DAB1: variants seen among roughly 807,000 people sequenced by gnomAD.
DAB1 encodes disabled homolog 1.
DAB1 carries 15 observed loss-of-function variants against 64.6 expected under a neutral mutation model. That is an observed-to-expected ratio of 0.23 (90% confidence interval 0.16 to 0.36). The LOEUF is 0.36. Ranked by LOEUF, DAB1 falls within the 10% of genes least tolerant of loss-of-function variation. DAB1 has a pLI of 1.00. For synonymous variants in DAB1, 235 were observed against 251.9 expected (o/e 0.93, Z 0.64); for missense variants, 596 against 706.7 (o/e 0.84, Z 1.78).
chr1:57,764,615 G>T (rs780065353), intron 6 of DAB1, among the ~76,000 whole-genome samples: 1 of 152,094 alleles, frequency 6.6e-6, no homozygotes, highest in Non-Finnish European at 1.5e-5. Flanking sequence ...AGTATACTCT[G>T]TTCTACTTTT....
Position 57,415,289 on chromosome 1 carries a change from A to ACG in DAB1, c.-137+8640_-137+8641insCG, listed in dbSNP as rs1684412860. 4.0e-5 allele frequency among the ~76,000 whole-genome samples: 6 copies of ACG among 151,638 alleles called. No individual in the cohort carries two copies. The South Asian group carries it at 1.0e-3, about 26-fold the overall frequency. On this transcript the variant is annotated intron_variant, in intron 1 of 14. Coordinates refer to ENST00000371236, the MANE Select transcript of DAB1 (RefSeq NM_001365792.1). ...CACACACACACACACACATATATGC[A>ACG]CACACTCCACATGGATTAGAGAACC...
intron 1 of DAB1, among the ~76,000 whole-genome samples, chr1:57,346,128 C>G (rs182577380): frequency 6.6e-6 from 1 of 152,184 alleles, no homozygotes; most frequent in African/African-American, 2.4e-5. Flanking sequence ...TCTTTCACTA[C>G]GCTACAAAAC....
At chr1:58,514,097 C>G (rs559727514) in intron 2 of DAB1, among the ~76,000 whole-genome samples, 4 of 152,300 alleles carry the variant, frequency 2.6e-5, no homozygotes, top group African/African-American at 9.6e-5. Context: ...TTCCTTTCCC[C>G]TGGTGAGCAA....
intron 9 of DAB1, among the ~76,000 whole-genome samples, chr1:57,052,137 G>C (rs1202163203): frequency 7.1e-6 from 1 of 140,120 alleles, no homozygotes; most frequent in Non-Finnish European, 1.6e-5. Context: ...GATTACTGGG[G>C]GCGGGGGGGC....
At chr1:57,149,867 A>T (rs1456168282) in intron 2 of DAB1, among the ~76,000 whole-genome samples, 3 of 152,186 alleles carry the variant, frequency 2.0e-5, no homozygotes, top group Admixed American at 6.5e-5. Context: ...CAAGTAGTTC[A>T]CAAGCACACA....
chr1:58,394,594 G>C (rs1055555320), intron 3 of DAB1, among the ~76,000 whole-genome samples: 1 of 152,198 alleles, frequency 6.6e-6, no homozygotes, highest in African/African-American at 2.4e-5. Flanking sequence ...GGAAGGAATT[G>C]CTGATACTTG....
intron 5 of DAB1, among the ~76,000 whole-genome samples, chr1:58,129,768 T>C (rs1015190209): frequency 5.9e-5 from 9 of 151,836 alleles, no homozygotes; most frequent in African/African-American, 1.9e-4. Context: ...TTGAGCGGCT[T>C]TGAGTGAGAT....
intron 2 of DAB1, among the ~76,000 whole-genome samples, chr1:57,278,006 T>C (rs906712432): frequency 1.3e-5 from 2 of 152,232 alleles, no homozygotes; most frequent in Non-Finnish European, 2.9e-5. Flanking sequence ...GAATCTGCAA[T>C]GATGACATAT....
At chr1:58,129,754 G>A (rs1383178146) in intron 5 of DAB1, among the ~76,000 whole-genome samples, 3 of 151,556 alleles carry the variant, frequency 2.0e-5, no homozygotes, top group Non-Finnish European at 4.4e-5. Flanking sequence ...CAGTTTCCAT[G>A]TAGTTGAGCG....
At chr1:58,161,250 G>A (rs781639078) in intron 4 of DAB1, among the ~76,000 whole-genome samples, 79 of 152,260 alleles carry the variant, frequency 5.2e-4, no homozygotes, top group Admixed American at 1.7e-3. Flanking sequence ...CTTAGAGAGC[G>A]CAAGTTCAAT....
intron 4 of DAB1, among the ~76,000 whole-genome samples, chr1:58,211,751 G>A (rs187337017): frequency 1.2e-4 from 18 of 152,190 alleles, no homozygotes; most frequent in Non-Finnish European, 2.4e-4. Flanking sequence ...AAAAAACTGA[G>A]ACAACGAGAG....
chr1:57,936,426 C>A (rs577966469), intron 5 of DAB1, among the ~76,000 whole-genome samples: 1 of 152,324 alleles, frequency 6.6e-6, no homozygotes, highest in East Asian at 1.9e-4. Flanking sequence ...GAGTCTTGCT[C>A]CATCATCCAG....
At chr1:58,378,197 A>G (rs1180537694) in intron 3 of DAB1, among the ~76,000 whole-genome samples, 1 of 119,556 alleles carries the variant, frequency 8.4e-6, no homozygotes, top group South Asian at 2.9e-4. Flanking sequence ...ATCATTCTCC[A>G]TCCAGCTTTG....
chr1:57,141,518 G>C (rs1201809217), intron 3 of DAB1, among the ~76,000 whole-genome samples: 6 of 152,128 alleles, frequency 3.9e-5, no homozygotes, highest in Non-Finnish European at 7.4e-5. Context: ...GCTTCCCACT[G>C]TTGCTAGATT....
chr1:57,746,025 C>T (rs920912038), intron 6 of DAB1, among the ~76,000 whole-genome samples: 1 of 152,084 alleles, frequency 6.6e-6, no homozygotes, highest in Admixed American at 6.6e-5. Context: ...CAGATCTCAC[C>T]ATTAGTCTAT....
chr1:57,520,478 T>C (rs1644512826), intron 7 of DAB1, among the ~76,000 whole-genome samples: 2 of 152,162 alleles, frequency 1.3e-5, no homozygotes, highest in Admixed American at 6.5e-5. Flanking sequence ...TTGTTTTGCA[T>C]ATATTGTTCT....
intron 5 of DAB1, among the ~76,000 whole-genome samples, chr1:57,950,142 G>A (rs913408592): frequency 6.6e-6 from 1 of 152,146 alleles, no homozygotes; most frequent in Non-Finnish European, 1.5e-5. Flanking sequence ...GTGCTTAAGA[G>A]AGAAGGCTCT....
chr1:57,110,068 G>C (rs1655516116), intron 4 of DAB1, among the ~76,000 whole-genome samples: 1 of 152,128 alleles, frequency 6.6e-6, no homozygotes, highest in Non-Finnish European at 1.5e-5. Flanking sequence ...GTTTGCACAT[G>C]AACACTTTAT....
At chr1:58,035,323 G>A (rs1375470290) in intron 5 of DAB1, among the ~76,000 whole-genome samples, 1 of 152,226 alleles carries the variant, frequency 6.6e-6, no homozygotes, top group African/African-American at 2.4e-5. Flanking sequence ...TCCCTTAATT[G>A]CGGAATCACA....
Sources: gnomAD v4.1 joint callset for allele counts (sites outside exome capture counted in the v4.1 genomes callset) on GRCh38, gnomAD v4.1.1 for gene constraint, MANE v1.5 for transcripts, NCBI Gene and HGNC (gene_info 2026-07-23, HGNC 2026-07-21) for gene names.